The following MAGI3 variants were observed in gnomAD, a reference collection of about 807,000 sequenced individuals.
The protein encoded by MAGI3 is membrane associated guanylate kinase, WW and PDZ domain containing 3.
In MAGI3, 43 loss-of-function variants were observed where a neutral mutation model predicts 121.8. That is an observed-to-expected ratio of 0.35 (90% CI 0.28 to 0.46). MAGI3 has a LOEUF of 0.46. Among genes scored for constraint, MAGI3 ranks in the 20% least tolerant of loss-of-function variants. The probability of loss-of-function intolerance (pLI) is 1.00; values close to 1 mark genes in which losing one functional copy is unlikely to be tolerated. For missense variants in MAGI3, 1,547 were observed against 1,797.3 expected (o/e 0.86, Z 2.52); for synonymous variants, 553 against 639.3 (o/e 0.86, Z 2.04).
intron 2 of MAGI3, among the ~76,000 whole-genome samples, chr1:113,573,252 G>C (rs369486347): frequency 3.3e-5 from 5 of 152,092 alleles, no homozygotes; most frequent in African/African-American, 4.8e-5. Context: ...GAATTTGTTT[G>C]CTCTTGCTTC....
intron 1 of MAGI3, among the ~76,000 whole-genome samples, chr1:113,462,032 A>G (rs184891670): frequency 7.4e-4 from 113 of 152,346 alleles, no homozygotes; most frequent in African/African-American, 2.6e-3. Flanking sequence ...ATCTCATACC[A>G]GTCAGAATGG....
chr1:113,587,562 G>A (rs1411293361), intron 4 of MAGI3, among the ~76,000 whole-genome samples: 2 of 152,150 alleles, frequency 1.3e-5, no homozygotes, highest in African/African-American at 4.8e-5. Flanking sequence ...AATGAGGAGA[G>A]GATAGGTAGA....
At chr1:113,493,493 A>C (rs1656764783) in intron 1 of MAGI3, among the ~76,000 whole-genome samples, 1 of 152,222 alleles carries the variant, frequency 6.6e-6, no homozygotes, top group African/African-American at 2.4e-5. Context: ...CAAAGATGCC[A>C]AAAGCAGCTG....
chr1:113,560,609 G>A (rs1660194912), intron 2 of MAGI3, among the ~76,000 whole-genome samples: 1 of 152,082 alleles, frequency 6.6e-6, no homozygotes, highest in Non-Finnish European at 1.5e-5. Flanking sequence ...CTGAGATACA[G>A]CTAAAGCAGT....
chr1:113,683,445 C>CA lies in MAGI3; in HGVS notation c.3883dup (p.Ile1295AsnfsTer2). ...TCGGTCGGCCAGCCCAAAAAAGCAG[C>CA]AAAAAATTGAAGGAAGCAAAGCTCC... On this transcript the variant is annotated frameshift_variant, in exon 21 of 21. Transcript: ENST00000307546. LOFTEE classifies it low-confidence loss of function (END_TRUNC). 4.3e-6 allele frequency: 7 copies of CA among 1,613,772 alleles called. No individual in the cohort carries two copies. The highest frequency in any genetic ancestry group is 5.9e-6 in the Non-Finnish European group (7 of 1,179,860).
At chr1:113,564,468 A>G (rs1428074827) in intron 2 of MAGI3, among the ~76,000 whole-genome samples, 1 of 152,228 alleles carries the variant, frequency 6.6e-6, no homozygotes, top group Non-Finnish European at 1.5e-5. Flanking sequence ...GCAAGATAAA[A>G]TCAAATGGTT....
At position 113,642,078 on chromosome 1, in the gene MAGI3, G is replaced by C; in HGVS notation, c.1528G>C (p.Ala510Pro). The change falls in exon 10 of 21, where the codon GCT (alanine) becomes CCT (proline). Residue 510 changes from alanine (A) to proline (P), a missense_variant. Transcript: ENST00000307546. Reference protein sequence around the residue: ...SEDPVVDIVAATPVINGQSLT... With the variant: ...SEDPVVDIVAPTPVINGQSLT... ...AGATCCTGTTGTGGACATTGTTGCT[G>C]CTACCCCTGTCATCAATGGACAGTC... 6.2e-7 allele frequency: 1 copy of C among 1,614,100 alleles called. No individual in the cohort carries two copies. Among genetic ancestry groups the C allele is most frequent in the Non-Finnish European group, 8.5e-7 (1 of 1,180,024 alleles).
intron 1 of MAGI3, among the ~76,000 whole-genome samples, chr1:113,510,826 C>T (rs1217368623): frequency 6.6e-6 from 1 of 152,172 alleles, no homozygotes; most frequent in Non-Finnish European, 1.5e-5. Context: ...TGTTTCCACA[C>T]CTGCCTTTAT....
chr1:113,436,853 G>T (rs752184721), intron 1 of MAGI3, among the ~76,000 whole-genome samples: 30 of 116,888 alleles, frequency 2.6e-4, no homozygotes, highest in Non-Finnish European at 4.0e-4. Flanking sequence ...TCACTCTGTT[G>T]CCCAGGCTGG....
At chr1:113,574,212 A>G (rs1035094726) in intron 2 of MAGI3, among the ~76,000 whole-genome samples, 1 of 152,124 alleles carries the variant, frequency 6.6e-6, no homozygotes, top group South Asian at 2.1e-4. Flanking sequence ...TAATATTGTT[A>G]TGTATTAATT....
intron 1 of MAGI3, among the ~76,000 whole-genome samples, chr1:113,506,738 G>A (rs1266770078): frequency 3.3e-5 from 5 of 152,144 alleles, no homozygotes; most frequent in Non-Finnish European, 5.9e-5. Context: ...AGAAGTATAG[G>A]CTTCCTGCCT....
intron 16 of MAGI3, among the ~76,000 whole-genome samples, chr1:113,670,502 G>A (rs1208925224): frequency 1.3e-5 from 2 of 152,024 alleles, no homozygotes; most frequent in African/African-American, 4.8e-5. Flanking sequence ...TAAGATTCAG[G>A]TTATATCAGC....
chr1:113,516,390 C>CAT (rs1465780249), intron 1 of MAGI3, among the ~76,000 whole-genome samples: 7 of 70,996 alleles, frequency 9.9e-5, no homozygotes, highest in Admixed American at 1.9e-4. Flanking sequence ...GAAGTTCTCA[C>CAT]AAAAAAAAAA....
chr1:113,436,102 T>A (rs1040061897), intron 1 of MAGI3, among the ~76,000 whole-genome samples: 4 of 152,124 alleles, frequency 2.6e-5, no homozygotes, highest in Non-Finnish European at 5.9e-5. Flanking sequence ...TAGTTCAAAA[T>A]GATGAATAAT....
In MAGI3 at chr1:113,411,333, C is replaced by T. The variant is rs1178269662; in HGVS notation, c.316+19984C>T. On this transcript the variant is annotated intron_variant, in intron 1 of 20. Coordinates refer to ENST00000307546, the MANE Select transcript of MAGI3 (RefSeq NM_001142782.2). Reference sequence around the variant, plus strand: ...CACATACACAAATCATCTTAGGATCCATAAAATGCCTTATTGTTAAATTAC... The same window carrying T: ...CACATACACAAATCATCTTAGGATCTATAAAATGCCTTATTGTTAAATTAC... 2.6e-5 allele frequency among the ~76,000 whole-genome samples: 4 copies of T among 151,994 alleles called. No homozygotes were observed. The East Asian group carries it at 7.7e-4, about 29-fold the overall frequency.
At chr1:113,666,054 C>T (rs1557882027) in intron 16 of MAGI3, among the ~76,000 whole-genome samples, 1 of 152,258 alleles carries the variant, frequency 6.6e-6, no homozygotes, top group East Asian at 1.9e-4. Context: ...TGAAAGTATA[C>T]TTTATTGCTA....
chr1:113,422,181 C>A lies in MAGI3; in HGVS notation c.316+30832C>A, dbSNP rs1026733424. On this transcript the variant is annotated intron_variant, in intron 1 of 20. Transcript: ENST00000307546. The surrounding 1 kb of genome is among the most constrained non-coding windows in gnomAD (Gnocchi z 4.3). Reference sequence around the variant, plus strand: ...TAAGAAATAATAGAGATCTTGTATACCTTTCCCTTAGTTTGCACCAATGGT... The same window carrying A: ...TAAGAAATAATAGAGATCTTGTATAACTTTCCCTTAGTTTGCACCAATGGT... 6.6e-6 allele frequency among the ~76,000 whole-genome samples: 1 copy of A among 152,134 alleles called. No homozygotes were observed. Among genetic ancestry groups the A allele is most frequent in the Non-Finnish European group, 1.5e-5 (1 of 68,020 alleles).
intron 9 of MAGI3, among the ~76,000 whole-genome samples, chr1:113,629,729 C>CCTCTCT (rs374062732): frequency 1.5e-4 from 17 of 112,000 alleles, no homozygotes; most frequent in South Asian, 3.6e-4. Context: ...AGTCAGTCTC[C>CCTCTCT]CTCTCTCTCT....
rs1411847496 is a variant in MAGI3, at chr1:113,422,168, G to C, written c.316+30819G>C. Among the ~76,000 whole-genome samples the C allele has an allele frequency of 3.9e-5, 6 of 152,136 alleles. No individual in the cohort carries two copies. The highest frequency in any genetic ancestry group is 8.8e-5 in the Non-Finnish European group (6 of 68,018). On this transcript the variant is annotated intron_variant, in intron 1 of 20. Transcript: ENST00000307546. The surrounding 1 kb of genome is among the most constrained non-coding windows in gnomAD (Gnocchi z 4.3). ...TCACATGTAGTTATAAGAAATAATA[G>C]AGATCTTGTATACCTTTCCCTTAGT...
Sources: allele counts gnomAD v4.1 joint callset (sites outside exome capture counted in the v4.1 genomes callset), GRCh38; gene constraint gnomAD v4.1.1; non-coding constraint Gnocchi (gnomAD v3.1); transcripts MANE v1.5; gene names NCBI Gene and HGNC (gene_info 2026-07-23, HGNC 2026-07-21).